The following PCSK6 variants were observed in gnomAD, a reference collection of about 807,000 sequenced individuals.
The protein encoded by PCSK6 is paired basic amino acid cleaving enzyme 4.
PCSK6 carries 85 observed loss-of-function variants against 123.3 expected under a neutral mutation model. That is an observed-to-expected ratio of 0.69 (90% CI 0.58 to 0.83). The LOEUF (loss-of-function observed/expected upper bound fraction) is 0.83, where lower values mean the gene tolerates loss of function less well. Among genes scored for constraint, PCSK6 ranks in the 40% least tolerant of loss-of-function variants. The pLI, the probability that PCSK6 is intolerant of heterozygous loss-of-function variation, is 0.00. For missense variants in PCSK6, 1,191 were observed against 1,282.3 expected (o/e 0.93, Z 1.09); for synonymous variants, 508 against 516.0 (o/e 0.98, Z 0.21).
At chr15:101,460,596 A>T (rs926543714) in intron 1 of PCSK6, among the ~76,000 whole-genome samples, 2 of 152,128 alleles carry the variant, frequency 1.3e-5, no homozygotes, top group African/African-American at 4.8e-5. Flanking sequence ...AGAGAATAAC[A>T]TTTCTCTCTA....
At chr15:101,383,078 G>A (rs919072574) in intron 10 of PCSK6, among the ~76,000 whole-genome samples, 2 of 152,054 alleles carry the variant, frequency 1.3e-5, no homozygotes, top group Non-Finnish European at 1.5e-5. Flanking sequence ...TAAATACTAC[G>A]GCCAAATGAA....
intron 11 of PCSK6, among the ~76,000 whole-genome samples, chr15:101,375,833 G>A (rs544456240): frequency 6.6e-4 from 100 of 152,228 alleles, no homozygotes; most frequent in African/African-American, 2.3e-3. Context: ...TCAGGAGTTC[G>A]AGACCAGCCT....
chr15:101,394,769 G>A (rs922544497), intron 7 of PCSK6, among the ~76,000 whole-genome samples: 1 of 152,166 alleles, frequency 6.6e-6, no homozygotes, highest in Non-Finnish European at 1.5e-5. Flanking sequence ...TCACACCACG[G>A]GGGTTTGTAA....
intron 9 of PCSK6, 121 bp from the exon 10 acceptor site, chr15:101,384,546 A>G (rs2042005734): frequency 3.0e-6 from 2 of 664,378 alleles, no homozygotes; most frequent in Non-Finnish European, 5.1e-6. Context: ...CCCTCAGGCT[A>G]AGGACTGCAT....
intron 6 of PCSK6, among the ~76,000 whole-genome samples, chr15:101,404,281 T>G (rs1001711233): frequency 1.3e-5 from 2 of 152,188 alleles, no homozygotes; most frequent in African/African-American, 4.8e-5. Flanking sequence ...CCCCCTTTTA[T>G]AGGCAGGGCA....
intron 2 of PCSK6, among the ~76,000 whole-genome samples, chr15:101,434,934 C>T (rs1291071765): frequency 6.6e-6 from 1 of 152,188 alleles, no homozygotes; most frequent in East Asian, 1.9e-4. Flanking sequence ...TTCACCTTCC[C>T]CAGTGTCTCC....
chr15:101,376,355 G>A (rs1255474782), intron 11 of PCSK6, among the ~76,000 whole-genome samples: 1 of 152,176 alleles, frequency 6.6e-6, no homozygotes, highest in East Asian at 1.9e-4. Flanking sequence ...GCAGAGACCT[G>A]CCTTAAGGAG....
At chr15:101,388,380 C>T (rs888630235) in intron 9 of PCSK6, among the ~76,000 whole-genome samples, 2 of 152,206 alleles carry the variant, frequency 1.3e-5, no homozygotes, top group Admixed American at 6.5e-5. Flanking sequence ...AACTCATCTA[C>T]AACAGATGAC....
intron 1 of PCSK6, among the ~76,000 whole-genome samples, chr15:101,488,889 G>T (rs1019928330): frequency 6.6e-6 from 1 of 150,824 alleles, no homozygotes; most frequent in African/African-American, 2.4e-5. Flanking sequence ...GGCCGCGGCC[G>T]CCTTGGCGCG....
chr15:101,389,810 G>A (rs80331464), intron 8 of PCSK6, among the ~76,000 whole-genome samples: 1,850 of 152,280 alleles, frequency 0.012, 29 homozygotes, highest in African/African-American at 0.042. Flanking sequence ...CAGACCGTAC[G>A]CTTTGATAAT....
chr15:101,338,177 T>A (rs1479369941), intron 13 of PCSK6, among the ~76,000 whole-genome samples: 1 of 152,126 alleles, frequency 6.6e-6, no homozygotes. Context: ...AGTTACTTGA[T>A]AAGAATCACC....
At chr15:101,341,542 A>G (rs887983115) in intron 13 of PCSK6, among the ~76,000 whole-genome samples, 1 of 152,164 alleles carries the variant, frequency 6.6e-6, no homozygotes. Flanking sequence ...GATTACAGGC[A>G]TGAGTCCCCA....
rs1443578979 is a variant in PCSK6, at chr15:101,370,506, T to C, written c.1550A>G (p.Gln517Arg). 2 of 1,513,436 alleles carry C rather than the reference T, an allele frequency of 1.3e-6. No homozygotes were observed. Among genetic ancestry groups the C allele is most frequent in the Admixed American group, 2.1e-5 (1 of 47,064 alleles). The allele number at this position is 1,513,436 out of a possible 1,614,324, so 93.8% of individuals were successfully genotyped here. ...GGTCAGGGCCGTAGTCCGCAGCACC[T>C]GCACTAAGGGGATGCTCCTGGGGGA... ...DKRPRSIPLV[Q>R]VLRTTALTSA... The change falls in exon 12 of 22, where the codon CAG becomes CGG. Residue 517 changes from glutamine (Q) to arginine (R), a missense_variant. Gln to Arg is a conservative substitution (Grantham distance 43). This residue lies in a region of PCSK6 where 630 missense variants were observed against 631.4 expected (regional missense o/e 1.00). Transcript: ENST00000611716.
At chr15:101,323,002 G>A (rs2040164639) in intron 17 of PCSK6, among the ~76,000 whole-genome samples, 1 of 152,210 alleles carries the variant, frequency 6.6e-6, no homozygotes, top group Non-Finnish European at 1.5e-5. Context: ...GCTTTCTCAG[G>A]GAAACCTATG....
intron 6 of PCSK6, among the ~76,000 whole-genome samples, chr15:101,423,215 A>G (rs2056141087): frequency 6.6e-6 from 1 of 152,318 alleles, no homozygotes; most frequent in African/African-American, 2.4e-5. Flanking sequence ...AACAGTAAAA[A>G]AAGAGTCAAA....
intron 2 of PCSK6, among the ~76,000 whole-genome samples, chr15:101,440,927 C>A (rs755933018): frequency 3.3e-5 from 5 of 152,174 alleles, no homozygotes; most frequent in Admixed American, 2.0e-4. Context: ...ATTTCAGTTG[C>A]GATTCTGAAT....
At chr15:101,427,368 G>A (rs144594795) in intron 6 of PCSK6, among the ~76,000 whole-genome samples, 339 of 152,226 alleles carry the variant, frequency 2.2e-3, no homozygotes, top group African/African-American at 7.3e-3. Context: ...CGGGGGAGGC[G>A]GGGATGGGAA....
At chr15:101,436,748 A>G (rs555130323) in intron 2 of PCSK6, among the ~76,000 whole-genome samples, 17 of 152,304 alleles carry the variant, frequency 1.1e-4, no homozygotes, top group African/African-American at 3.8e-4. Flanking sequence ...TGCACTCAAC[A>G]GTCTGTGGCG....
At chr15:101,479,065 C>T (rs532091735) in intron 1 of PCSK6, among the ~76,000 whole-genome samples, 11 of 152,162 alleles carry the variant, frequency 7.2e-5, no homozygotes, top group East Asian at 1.9e-4. Context: ...AAATGAGTCA[C>T]GTAAAGACGC....
Sources: gnomAD v4.1 joint callset for allele counts (sites outside exome capture counted in the v4.1 genomes callset) on GRCh38, gnomAD v4.1.1 for gene constraint, gnomAD v4.1.1 regional missense constraint, MANE v1.5 for transcripts, NCBI Gene and HGNC (gene_info 2026-07-23, HGNC 2026-07-21) for gene names.